Variants in LRP1B observed in about 807,000 individuals in gnomAD.
LRP1B encodes the protein LDL receptor related protein 1B.
In LRP1B, 217 loss-of-function variants were observed where a neutral mutation model predicts 556.6. The observed-to-expected ratio is 0.39, with a 90% CI of 0.35 to 0.44. The LOEUF (loss-of-function observed/expected upper bound fraction) is 0.44. Among genes scored for constraint, LRP1B ranks in the 20% least tolerant of loss-of-function variants. The probability of loss-of-function intolerance (pLI) is 1.00; values close to 1 mark genes in which losing one functional copy is unlikely to be tolerated. For missense variants in LRP1B, 5,053 were observed against 5,620.8 expected (o/e 0.90, Z 3.23); for synonymous variants, 2,047 against 1,865.8 (o/e 1.10, Z -2.50).
At chr2:140,719,548 A>T (rs1420259728) in intron 35 of LRP1B, among the ~76,000 whole-genome samples, 1 of 152,082 alleles carries the variant, frequency 6.6e-6, no homozygotes, top group African/African-American at 2.4e-5. Flanking sequence ...TCTTTGTCAT[A>T]TTGAACTGAA....
At position 140,501,699 on chromosome 2, in the gene LRP1B, C is replaced by T. The variant is rs747529478; in HGVS notation, c.8838G>A (p.Pro2946=). 48 of 1,608,590 alleles carry T rather than the reference C, an allele frequency of 3.0e-5. No homozygotes were observed. The highest frequency in any genetic ancestry group is 1.5e-4 in the South Asian group (14 of 90,340). Residue 2946 remains proline (P), a synonymous_variant, in exon 55 of 91, where the codon CCG becomes CCA. Transcript: ENST00000389484. ...GATGAGTACCTACCTTATAACTGAC[C>T]GGAAGGTCTTGACAGTCTTGAGAAC... is the stretch of plus-strand genomic sequence containing the variant. ...SGCSQDCQDL[P]VSYKCKCWPG...
chr2:141,054,420 C>T (rs1699122600), intron 10 of LRP1B, among the ~76,000 whole-genome samples: 1 of 151,818 alleles, frequency 6.6e-6, no homozygotes, highest in Admixed American at 6.6e-5. Flanking sequence ...TTATCAAGAC[C>T]CCAGGAAAAG....
chr2:141,830,504 T>C (rs935784667), intron 1 of LRP1B, among the ~76,000 whole-genome samples: 1 of 151,884 alleles, frequency 6.6e-6, no homozygotes, highest in African/African-American at 2.4e-5. Flanking sequence ...TAAATACATA[T>C]AGAAATAAAG....
At chr2:141,876,997 CAAG>C (rs957183308) in intron 1 of LRP1B, among the ~76,000 whole-genome samples, 1 of 151,804 alleles carries the variant, frequency 6.6e-6, no homozygotes, top group Non-Finnish European at 1.5e-5. Context: ...CAAATTAAAA[CAAG>C]AAGGAAAAGG....
chr2:142,113,786 G>A (rs1574699682), intron 1 of LRP1B, among the ~76,000 whole-genome samples: 1 of 151,824 alleles, frequency 6.6e-6, no homozygotes, highest in Non-Finnish European at 1.5e-5. Flanking sequence ...ATCATGGACA[G>A]GCACCATCCT....
intron 27 of LRP1B, among the ~76,000 whole-genome samples, chr2:140,853,043 G>A (rs1041098972): frequency 2.6e-5 from 4 of 151,888 alleles, no homozygotes; most frequent in African/African-American, 9.7e-5. Context: ...GTAGTGATAG[G>A]GTTGAGACAT....
intron 2 of LRP1B, among the ~76,000 whole-genome samples, chr2:141,489,573 A>G (rs1388692924): frequency 6.6e-6 from 1 of 151,958 alleles, no homozygotes; most frequent in South Asian, 2.1e-4. Flanking sequence ...TTAATATCAT[A>G]CTTATTATTA....
chr2:140,522,211 A>T (rs1000346221), intron 49 of LRP1B, among the ~76,000 whole-genome samples: 4 of 152,034 alleles, frequency 2.6e-5, no homozygotes, highest in African/African-American at 4.8e-5. Flanking sequence ...TAAATTTTTT[A>T]AAAATACCAA....
chr2:140,314,586 A>C (rs1684440694), intron 83 of LRP1B, among the ~76,000 whole-genome samples: 1 of 152,092 alleles, frequency 6.6e-6, no homozygotes, highest in African/African-American at 2.4e-5. Context: ...TTTTAGCATT[A>C]GGAAAACTAC....
In LRP1B at chr2:140,444,692, G is replaced by C. The variant is rs2105305331; in HGVS notation, c.10058-13C>G. 3 of 1,530,502 alleles carry C rather than the reference G, an allele frequency of 2.0e-6. No individual in the cohort carries two copies. Among genetic ancestry groups the C allele is most frequent in the Non-Finnish European group, 2.7e-6 (3 of 1,105,360 alleles). 94.8% of individuals were successfully genotyped at this position (1,530,502 alleles called of 1,614,324 possible). A position where few individuals can be genotyped will look rare whatever the true frequency, so the allele number is the denominator to read the frequency against. On this transcript the variant is annotated splice_polypyrimidine_tract_variant and intron_variant, in intron 63 of 90. Coordinates refer to ENST00000389484, the MANE Select transcript of LRP1B (RefSeq NM_018557.3). ...CATCTAAATTCAGCTAGGGGAGAAA[G>C]CATAGATATTGTGGAATGGTAATCT...
At chr2:141,614,542 C>T (rs1157102658) in intron 2 of LRP1B, among the ~76,000 whole-genome samples, 1 of 152,082 alleles carries the variant, frequency 6.6e-6, no homozygotes, top group East Asian at 1.9e-4. Flanking sequence ...GACCTTAATA[C>T]CAATGTGACT....
At chr2:140,815,124 C>T (rs1691066511) in intron 31 of LRP1B, among the ~76,000 whole-genome samples, 1 of 150,436 alleles carries the variant, frequency 6.6e-6, no homozygotes, top group Admixed American at 6.6e-5. Flanking sequence ...GTGAACAAAT[C>T]ACAAATAATT....
At position 141,271,662 on chromosome 2, in the gene LRP1B, A is replaced by C. The variant is rs185754618; in HGVS notation, c.344-17021T>G. 8.6e-5 allele frequency among the ~76,000 whole-genome samples: 13 copies of C among 152,016 alleles called. No individual in the cohort carries two copies. In the East Asian group the frequency reaches 2.3e-3, roughly 27 times the overall value. On this transcript the variant is annotated intron_variant, in intron 3 of 90. Coordinates refer to ENST00000389484, the MANE Select transcript of LRP1B (RefSeq NM_018557.3). ...AGCTCTCTTTACAAAATTAGAATTC[A>C]AAATAAACTGAAAGAACATATTGTT...
At chr2:140,936,931 G>T (rs977946621) in intron 20 of LRP1B, among the ~76,000 whole-genome samples, 2 of 152,042 alleles carry the variant, frequency 1.3e-5, no homozygotes, top group Non-Finnish European at 2.9e-5. Flanking sequence ...CTAATATAAG[G>T]CTGTGATTTT....
At chr2:141,817,328 C>T (rs1322182822) in intron 1 of LRP1B, among the ~76,000 whole-genome samples, 1 of 152,002 alleles carries the variant, frequency 6.6e-6, no homozygotes, top group East Asian at 1.9e-4. Context: ...CCATGTATAT[C>T]TTTTTATAAT....
At chr2:140,318,240 C>A (rs542870205) in intron 82 of LRP1B, among the ~76,000 whole-genome samples, 1 of 152,088 alleles carries the variant, frequency 6.6e-6, no homozygotes, top group South Asian at 2.1e-4. Context: ...TATGTTCCAA[C>A]TAAAATGGTC....
intron 6 of LRP1B, among the ~76,000 whole-genome samples, chr2:141,204,096 A>C (rs1369057934): frequency 6.6e-6 from 1 of 152,196 alleles, no homozygotes; most frequent in Non-Finnish European, 1.5e-5. Context: ...TTTAAAATTG[A>C]CACCCTAACG....
At chr2:141,626,076 A>G (rs1026902558) in intron 2 of LRP1B, among the ~76,000 whole-genome samples, 4 of 152,198 alleles carry the variant, frequency 2.6e-5, no homozygotes, top group Admixed American at 6.5e-5. Context: ...TTAAACACAT[A>G]CTACACTGCT....
intron 6 of LRP1B, among the ~76,000 whole-genome samples, chr2:141,191,356 C>T (rs932141323): frequency 1.3e-5 from 2 of 152,098 alleles, no homozygotes; most frequent in South Asian, 4.1e-4. Context: ...TTTCCTTCTG[C>T]AATCTGAGCC....
Sources: allele counts gnomAD v4.1 joint callset (sites outside exome capture counted in the v4.1 genomes callset), GRCh38; gene constraint gnomAD v4.1.1; transcripts MANE v1.5; gene names NCBI Gene and HGNC (gene_info 2026-07-23, HGNC 2026-07-21).